The following TRAK1 variants were observed in gnomAD, a reference collection of about 807,000 sequenced individuals.
The protein encoded by TRAK1 is trafficking kinesin protein 1, also known as trafficking kinesin-binding protein 1.
TRAK1 carries 33 observed loss-of-function variants against 92.1 expected under a neutral mutation model. The observed-to-expected ratio is 0.36, with a 90% CI of 0.27 to 0.48. TRAK1 has a LOEUF of 0.48. Among genes scored for constraint, TRAK1 ranks in the 20% least tolerant of loss-of-function variants. The pLI, the probability that TRAK1 is intolerant of heterozygous loss-of-function variation, is 0.99. For missense variants in TRAK1, 1,123 were observed against 1,257.9 expected (o/e 0.89, Z 1.62); for synonymous variants, 521 against 517.3 (o/e 1.01, Z -0.10).
In TRAK1 at chr3:42,168,697, C is replaced by T. The variant is rs565279357; in HGVS notation, c.287-8117C>T. Among the ~76,000 whole-genome samples, 3 of 152,132 alleles carry T rather than the reference C, an allele frequency of 2.0e-5. No homozygotes were observed. The East Asian group carries it at 5.8e-4, about 29-fold the overall frequency. ...TCCTGGGCTCACCCACCTCAGCCTC[C>T]TGGGTAGCTAGGACTATAGGCATGC... On this transcript the variant is annotated intron_variant, in intron 2 of 15. Coordinates refer to ENST00000327628, the MANE Select transcript of TRAK1 (RefSeq NM_001042646.3).
intron 1 of TRAK1, among the ~76,000 whole-genome samples, chr3:42,106,021 A>G (rs1707500957): frequency 6.6e-6 from 1 of 152,228 alleles, no homozygotes; most frequent in Non-Finnish European, 1.5e-5. Flanking sequence ...TGAAGGAAGC[A>G]CTAAACATGG....
chr3:42,112,512 ATCACTGGAGC>A (rs1303445614), intron 1 of TRAK1, among the ~76,000 whole-genome samples: 1 of 151,496 alleles, frequency 6.6e-6, no homozygotes, highest in Non-Finnish European at 1.5e-5. Flanking sequence ...AGGCGAGTAG[ATCACTGGAGC>A]TCAGGAGTTC....
intron 3 of TRAK1, 107 bp downstream of exon 3, chr3:42,176,997 T>C (rs1703317339): frequency 2.8e-6 from 3 of 1,066,242 alleles, no homozygotes; most frequent in Non-Finnish European, 4.3e-6. Flanking sequence ...ATCTTGGAAA[T>C]TGGTCTCTTT....
chr3:42,110,929 C>G (rs1287614240), intron 1 of TRAK1, among the ~76,000 whole-genome samples: 1 of 152,082 alleles, frequency 6.6e-6, no homozygotes. Flanking sequence ...CTGAGCAGAC[C>G]CTGTCTTTGC....
At chr3:42,088,438 G>A (rs1704803423), upstream of TRAK1, among the ~76,000 whole-genome samples, 1 of 152,200 alleles carries the variant, frequency 6.6e-6, no homozygotes, top group Admixed American at 6.5e-5. Flanking sequence ...GAAGGACACA[G>A]TTCCAACATC....
chr3:42,084,124 A>G (rs1704558397), upstream of TRAK1, among the ~76,000 whole-genome samples: 1 of 152,112 alleles, frequency 6.6e-6, no homozygotes, highest in Non-Finnish European at 1.5e-5. Context: ...AAATCATTTT[A>G]AAATTAATGT....
intron 14 of TRAK1, chr3:42,210,602 G>A: frequency 2.9e-6 from 3 of 1,032,460 alleles, no homozygotes; most frequent in Non-Finnish European, 3.5e-6. Context: ...TTACCTGTAC[G>A]CTGTATTAAA....
Position 42,172,376 on chromosome 3 carries a change from G to T in TRAK1, c.287-4438G>T, listed in dbSNP as rs536784277. On this transcript the variant is annotated intron_variant, in intron 2 of 15. Coordinates refer to ENST00000327628, the MANE Select transcript of TRAK1 (RefSeq NM_001042646.3). The stretch of plus-strand genomic sequence containing the variant: ...TTGTCCCAGTGAGAAGCCCTGATCA[G>T]TGCTTTTTGATTTACCTCCCACTCA... Among the ~76,000 whole-genome samples, 4 of 152,264 alleles carry T rather than the reference G, an allele frequency of 2.6e-5. No homozygotes were observed. In the East Asian group the frequency reaches 7.7e-4, roughly 29 times the overall value.
intron 3 of TRAK1, among the ~76,000 whole-genome samples, chr3:42,179,262 A>G (rs538813179): frequency 2.6e-4 from 39 of 152,312 alleles, no homozygotes; most frequent in Middle Eastern, 3.4e-3. Flanking sequence ...TCCTGGTTAA[A>G]GTCTAACTGT....
intron 1 of TRAK1, among the ~76,000 whole-genome samples, chr3:42,120,857 T>C (rs1709761770): frequency 1.3e-5 from 2 of 152,178 alleles, no homozygotes; most frequent in Admixed American, 1.3e-4. Flanking sequence ...CTGCTTCCTG[T>C]GCTTTAAAGG....
intron 14 of TRAK1, chr3:42,210,205 G>T: frequency 1.9e-6 from 3 of 1,556,824 alleles, no homozygotes; most frequent in Non-Finnish European, 2.6e-6. Flanking sequence ...TCTGTTCCAG[G>T]CACCATCCGT....
At chr3:42,191,701 G>C in intron 7 of TRAK1, 65 bp downstream of exon 7, 4 of 1,526,188 alleles carry the variant, frequency 2.6e-6, no homozygotes. Context: ...ACAGATTTGC[G>C]TCAGCCTTGC....
At chr3:42,072,390 C>T (rs144061577) in intron 1 of TRAK1, among the ~76,000 whole-genome samples, 2 of 152,214 alleles carry the variant, frequency 1.3e-5, no homozygotes, top group African/African-American at 2.4e-5. Context: ...GTAAAGGTTC[C>T]ATTGTAAACG....
chr3:42,066,935 T>G (rs1037976283), intron 1 of TRAK1, among the ~76,000 whole-genome samples: 1 of 152,198 alleles, frequency 6.6e-6, no homozygotes, highest in Admixed American at 6.5e-5. Context: ...CCTCACTGTT[T>G]CCTGGGGGAT....
chr3:42,043,249 C>T (rs1467952618), intron 1 of TRAK1, among the ~76,000 whole-genome samples: 2 of 152,026 alleles, frequency 1.3e-5, no homozygotes, highest in African/African-American at 2.4e-5. Flanking sequence ...TCTCCTCCCT[C>T]TCACATTGCC....
intron 1 of TRAK1, among the ~76,000 whole-genome samples, chr3:42,102,838 C>G (rs768438155): frequency 2.6e-4 from 37 of 139,970 alleles, no homozygotes; most frequent in Admixed American, 1.6e-3. Flanking sequence ...CTCGAAAGTT[C>G]TCCAGGGACC....
intron 13 of TRAK1, among the ~76,000 whole-genome samples, chr3:42,207,835 G>C (rs1708505628): frequency 6.6e-6 from 1 of 152,208 alleles, no homozygotes; most frequent in Admixed American, 6.5e-5. Context: ...TGAGAGTTAA[G>C]AACCACAGCT....
chr3:42,031,775 G>T (rs911673019), intron 1 of TRAK1, among the ~76,000 whole-genome samples: 2 of 152,158 alleles, frequency 1.3e-5, no homozygotes, highest in African/African-American at 4.8e-5. Flanking sequence ...TAAGAGTGGG[G>T]CTGTCTGAGG....
intron 1 of TRAK1, among the ~76,000 whole-genome samples, chr3:42,042,352 T>C (rs1381148438): frequency 1.3e-5 from 2 of 152,094 alleles, no homozygotes; most frequent in African/African-American, 2.4e-5. Context: ...TCATAAATGA[T>C]TTTTAGATTA....
Sources: gnomAD v4.1 joint callset for allele counts (sites outside exome capture counted in the v4.1 genomes callset) on GRCh38, gnomAD v4.1.1 for gene constraint, MANE v1.5 for transcripts, NCBI Gene and HGNC (gene_info 2026-07-23, HGNC 2026-07-21) for gene names.